Variants in FGF1 observed in about 807,000 individuals in gnomAD.
FGF1 encodes fibroblast growth factor 1, also known as beta-endothelial cell growth factor.
A neutral mutation model predicts 13.4 loss-of-function variants in FGF1; 9 were observed. The observed-to-expected ratio is 0.67, with a 90% CI of 0.40 to 1.17. The LOEUF is 1.17. FGF1 is among the 50% of genes most tolerant of loss of function. FGF1 has a pLI of 0.01. For synonymous variants in FGF1, 93 were observed against 79.0 expected (o/e 1.18, Z -0.94); for missense variants, 156 against 192.7 (o/e 0.81, Z 1.13).
chr5:142,693,480 CAG>C (rs1415635992), intron 2 of FGF1, among the ~76,000 whole-genome samples: 3 of 151,922 alleles, frequency 2.0e-5, no homozygotes, highest in African/African-American at 7.3e-5. Flanking sequence ...TTAGTAGAGA[CAG>C]GGTTTCACCA....
chr5:142,650,861 A>G (rs964064891), intron 1 of FGF1, among the ~76,000 whole-genome samples: 2 of 152,168 alleles, frequency 1.3e-5, no homozygotes, highest in Non-Finnish European at 2.9e-5. Flanking sequence ...AAATGCATTC[A>G]GGAGGGACAT....
At chr5:142,682,706 CAG>C (rs2152054672) in intron 1 of FGF1, among the ~76,000 whole-genome samples, 1 of 152,266 alleles carries the variant, frequency 6.6e-6, no homozygotes, top group South Asian at 2.1e-4. Context: ...AAGTTAAAGA[CAG>C]AGAAATGTTT....
chr5:142,614,337 A>G (rs1358977591), intron 1 of FGF1, among the ~76,000 whole-genome samples, 176 bp from the exon 2 acceptor site: 3 of 152,080 alleles, frequency 2.0e-5, no homozygotes, highest in Non-Finnish European at 4.4e-5. Context: ...TTAAGGAAGG[A>G]TGGTCCCAGG....
chr5:142,633,946 A>G (rs1267024538), intron 1 of FGF1, among the ~76,000 whole-genome samples: 1 of 151,622 alleles, frequency 6.6e-6, no homozygotes, highest in Admixed American at 6.6e-5. Flanking sequence ...GTACTTTGGG[A>G]GGCCGAGACG....
intron 1 of FGF1, among the ~76,000 whole-genome samples, chr5:142,624,134 G>A (rs1762094395): frequency 6.6e-6 from 1 of 151,938 alleles, no homozygotes; most frequent in African/African-American, 2.4e-5. Context: ...TGGCCAGGCT[G>A]GTCTCGAACT....
rs189303204 is a variant in FGF1, at chr5:142,692,175, A to C, written c.-35+5447T>G. ...ATGAAACCCCTTCTCTACCAAAAAA[A>C]ACCCCACAAAAATTAGCTGGGTGTG... On this transcript the variant is annotated intron_variant, in intron 2 of 4. Coordinates refer to the FGF1 transcript ENST00000407758. 9.8e-3 allele frequency among the ~76,000 whole-genome samples: 1,489 copies of C among 152,262 alleles called. 12 individuals are homozygous for C. Among genetic ancestry groups the C allele is most frequent in the Non-Finnish European group, 0.015 (990 of 67,992 alleles).
chr5:142,639,208 A>G (rs1194591119), intron 1 of FGF1, among the ~76,000 whole-genome samples: 1 of 152,010 alleles, frequency 6.6e-6, no homozygotes, highest in African/African-American at 2.4e-5. Context: ...TCTCAAATAG[A>G]TATCTGCACT....
At chr5:142,685,935 G>C (rs1230214260) in intron 1 of FGF1, 22 bp downstream of exon 1, 2 of 151,848 alleles carry the variant, frequency 1.3e-5, no homozygotes, top group African/African-American at 4.9e-5. Context: ...CTGTTTCCCA[G>C]ATCAGATGCC....
intron 2 of FGF1, among the ~76,000 whole-genome samples, chr5:142,691,568 C>T (rs1752241377): frequency 6.6e-6 from 1 of 152,184 alleles, no homozygotes; most frequent in Non-Finnish European, 1.5e-5. Context: ...TTTGTCTTCT[C>T]ACTGTTATAT....
intron 2 of FGF1, among the ~76,000 whole-genome samples, chr5:142,696,958 A>C (rs1402780050): frequency 6.6e-6 from 1 of 152,194 alleles, no homozygotes; most frequent in Non-Finnish European, 1.5e-5. Flanking sequence ...ATATAGGTAC[A>C]TGTTCTATGA....
At chr5:142,600,035 A>G (rs943494349) in intron 3 of FGF1, among the ~76,000 whole-genome samples, 4 of 152,194 alleles carry the variant, frequency 2.6e-5, no homozygotes, top group African/African-American at 9.7e-5. Flanking sequence ...ATTTGTGTAA[A>G]AAGCAATAAG....
intron 1 of FGF1, among the ~76,000 whole-genome samples, chr5:142,682,921 G>A (rs1194432022): frequency 1.3e-5 from 2 of 151,924 alleles, no homozygotes; most frequent in East Asian, 3.9e-4. Context: ...CGCTGAGTTG[G>A]ACACGCTAGC....
chr5:142,593,852 G>C lies in FGF1; in HGVS notation c.*1438C>G, dbSNP rs987533924. ...TACATGGCATCAGTATCATATGTTAGAGATGAATGGTGTTTCTAATTTGCT... is the reference window on the plus strand; with the variant it reads ...TACATGGCATCAGTATCATATGTTACAGATGAATGGTGTTTCTAATTTGCT... On this transcript the variant is annotated 3_prime_UTR_variant, in exon 4 of 4. Coordinates refer to ENST00000337706, the MANE Select transcript of FGF1 (RefSeq NM_000800.5). 6.6e-6 allele frequency: 1 copy of C among 152,642 alleles called. No homozygotes were observed. Among genetic ancestry groups the C allele is most frequent in the African/African-American group, 2.4e-5 (1 of 41,456 alleles). 9.5% of individuals were successfully genotyped at this position (152,642 alleles called of 1,614,324 possible). A position where few individuals can be genotyped will look rare whatever the true frequency, so the allele number is the denominator to read the frequency against.
In FGF1 at chr5:142,653,065, G is replaced by A. The variant is rs543574190; in HGVS notation, c.-35+32892C>T. On this transcript the variant is annotated intron_variant, in intron 1 of 3. Coordinates refer to ENST00000337706, the MANE Select transcript of FGF1 (RefSeq NM_000800.5). ...GGTGGCTGTTTTGAGCCCTGTGGTC[G>A]GCAGCCCAGCCAGTCATTCATGCAG... Among the ~76,000 whole-genome samples, 9 of 152,238 alleles carry A rather than the reference G, an allele frequency of 5.9e-5. No individual in the cohort carries two copies. In the South Asian group the frequency reaches 6.2e-4, roughly 11 times the overall value.
At chr5:142,691,600 T>C (rs1024783254) in intron 2 of FGF1, among the ~76,000 whole-genome samples, 1 of 152,114 alleles carries the variant, frequency 6.6e-6, no homozygotes, top group Non-Finnish European at 1.5e-5. Flanking sequence ...AGACCAGTGG[T>C]TCTCAAGCTC....
At chr5:142,662,246 C>T (rs986541809) in intron 1 of FGF1, among the ~76,000 whole-genome samples, 5 of 152,130 alleles carry the variant, frequency 3.3e-5, no homozygotes, top group Non-Finnish European at 5.9e-5. Context: ...ACACTTTGAA[C>T]GGACGAACTG....
intron 1 of FGF1, among the ~76,000 whole-genome samples, chr5:142,674,077 G>C (rs1772016018): frequency 1.3e-5 from 2 of 152,148 alleles, no homozygotes; most frequent in South Asian, 2.1e-4. Context: ...ATGTGTGCCT[G>C]GTGCCCCTTG....
chr5:142,683,062 C>T (rs374850651), intron 1 of FGF1, among the ~76,000 whole-genome samples: 4 of 152,142 alleles, frequency 2.6e-5, no homozygotes, highest in African/African-American at 9.7e-5. Flanking sequence ...GATTAGTGAA[C>T]CCTTTCTTCA....
intron 1 of FGF1, among the ~76,000 whole-genome samples, chr5:142,675,436 T>C (rs542810309): frequency 6.6e-6 from 1 of 152,186 alleles, no homozygotes; most frequent in South Asian, 2.1e-4. Flanking sequence ...AGCCAAGTGA[T>C]GTGCTCATGG....
Sources: allele counts gnomAD v4.1 joint callset (sites outside exome capture counted in the v4.1 genomes callset), GRCh38; gene constraint gnomAD v4.1.1; transcripts MANE v1.5; gene names NCBI Gene and HGNC (gene_info 2026-07-23, HGNC 2026-07-21).